CTDP1: variants seen among roughly 807,000 people sequenced by gnomAD.
CTDP1 encodes the protein CTD phosphatase 1, also known as RNA polymerase II subunit A C-terminal domain phosphatase.
A neutral mutation model predicts 91.8 loss-of-function variants in CTDP1; 47 were observed. That is an observed-to-expected ratio of 0.51 (90% CI 0.41 to 0.65). The LOEUF is 0.65. Ranked by LOEUF, CTDP1 falls within the 30% of genes least tolerant of loss-of-function variation. The probability of loss-of-function intolerance (pLI) is 0.00; values close to 1 mark genes in which losing one functional copy is unlikely to be tolerated. For missense variants in CTDP1, 1,272 were observed against 1,373.7 expected (o/e 0.93, Z 1.17); for synonymous variants, 656 against 598.5 (o/e 1.10, Z -1.40).
At chr18:79,717,067 G>C in intron 8 of CTDP1, among the ~76,000 whole-genome samples, 1 of 145,898 alleles carries the variant, frequency 6.9e-6, no homozygotes, top group East Asian at 2.1e-4. Flanking sequence ...GGGTACAGCC[G>C]GGTGAGGGCC....
At chr18:79,682,249 A>G (rs181437740) in intron 1 of CTDP1, among the ~76,000 whole-genome samples, 77 of 152,306 alleles carry the variant, frequency 5.1e-4, no homozygotes, top group African/African-American at 1.7e-3. Context: ...GGCCTCCCCA[A>G]AATGCCTGCT....
intron 5 of CTDP1, among the ~76,000 whole-genome samples, chr18:79,706,205 G>A (rs574912404): frequency 2.6e-5 from 4 of 152,318 alleles, no homozygotes; most frequent in East Asian, 3.9e-4. Flanking sequence ...AGTTGCTGGC[G>A]CCGTGGTCGG....
At position 79,736,407 on chromosome 18, in the gene CTDP1, G is replaced by A. The variant is rs756346262; in HGVS notation, c.2633G>A (p.Arg878Lys). The change falls in exon 12 of 13, where the codon AGG becomes AAG. Residue 878 changes from arginine to lysine, a missense_variant. By Grantham distance (26) the Arg-to-Lys change is conservative. Coordinates refer to ENST00000613122, the MANE Select transcript of CTDP1 (RefSeq NM_004715.5). ...GSDDSDSEKR[R>K]PEEQEEEPQP... ...GACGACAGCGACAGCGAGAAGAGGA[G>A]GCCTGAGGAGCAGGAGGAGGAGCCC... 6.5e-7 allele frequency: 1 copy of A among 1,549,526 alleles called. No homozygotes were observed. The highest frequency in any genetic ancestry group is 1.2e-5 in the South Asian group (1 of 83,986).
chr18:79,714,636 G>C lies in CTDP1; in HGVS notation c.1176G>C (p.Pro392=). 7 of 1,612,384 alleles carry C rather than the reference G, an allele frequency of 4.3e-6. No individual in the cohort carries two copies. The highest frequency in any genetic ancestry group is 5.9e-6 in the Non-Finnish European group (7 of 1,179,766). Residue 392 remains proline (P), a synonymous_variant, in exon 8 of 13, where the codon CCG becomes CCC. Coordinates refer to ENST00000613122, the MANE Select transcript of CTDP1 (RefSeq NM_004715.5). ...RELNGSEAAT[P]RDSPRPGKPD... is the part of the protein sequence containing the mutation. Reference sequence around the variant, plus strand: ...TGAACGGCAGCGAGGCCGCCACCCCGCGGGACTCACCCCGCCCCGGGAAGC... The same window carrying C: ...TGAACGGCAGCGAGGCCGCCACCCCCCGGGACTCACCCCGCCCCGGGAAGC...
chr18:79,698,217 C>T (rs141414048), intron 4 of CTDP1, among the ~76,000 whole-genome samples: 2 of 152,212 alleles, frequency 1.3e-5, no homozygotes, highest in Non-Finnish European at 2.9e-5. Flanking sequence ...CGCTTCCTTC[C>T]GTGTGTGTGG....
chr18:79,677,797 G>A (rs1156309822), upstream of CTDP1: 1 of 152,068 alleles, frequency 6.6e-6, no homozygotes, highest in Non-Finnish European at 1.5e-5. Context: ...TGAGTAGTGT[G>A]TCCTTACAGT....
In CTDP1 at chr18:79,728,823, C is replaced by T. The variant is rs931778823; in HGVS notation, c.2418-84C>T. On this transcript the variant is annotated intron_variant, in intron 10 of 12. Coordinates refer to ENST00000613122, the MANE Select transcript of CTDP1 (RefSeq NM_004715.5). ...TGGGGTGTGTGAGTGTTTACCTAGT[C>T]CGAGAGCCAGGAGTCTGATTCGGTG... 8.8e-5 allele frequency: 122 copies of T among 1,392,140 alleles called. No individual in the cohort carries two copies. The African/African-American group carries it at 1.7e-3, about 19-fold the overall frequency. The allele number at this position is 1,392,140 out of a possible 1,614,324, so 86.2% of individuals were successfully genotyped here.
At chr18:79,744,303 A>G (rs1310025402) in intron 12 of CTDP1, among the ~76,000 whole-genome samples, 5 of 152,216 alleles carry the variant, frequency 3.3e-5, no homozygotes, top group Non-Finnish European at 2.9e-5. Context: ...GGTGACCCCA[A>G]CCTTGGCAAA....
chr18:79,690,692 A>G (rs1490218993), intron 1 of CTDP1, among the ~76,000 whole-genome samples: 2 of 152,154 alleles, frequency 1.3e-5, no homozygotes, highest in Admixed American at 1.3e-4. Flanking sequence ...ACACACAGAC[A>G]TTCTGAGCCA....
In CTDP1 at chr18:79,742,047, G is replaced by A. The variant is rs2086787970; in HGVS notation, c.2747+5526G>A. Among the ~76,000 whole-genome samples the A allele has an allele frequency of 2.0e-5, 3 of 152,288 alleles. No individual in the cohort carries two copies. The South Asian group carries it at 6.2e-4, about 32-fold the overall frequency. ...AAGAGGAAATGCCGGGAGCAGGGCT[G>A]GGGGCCCAGAGGAAGCATGAGGCGT... On this transcript the variant is annotated intron_variant, in intron 12 of 12. Transcript: ENST00000613122.
chr18:79,707,118 G>A (rs2085982579), intron 5 of CTDP1, among the ~76,000 whole-genome samples: 1 of 152,222 alleles, frequency 6.6e-6, no homozygotes, highest in African/African-American at 2.4e-5. Context: ...AGGAGCATGT[G>A]GAAGGCTCGG....
chr18:79,690,195 T>C (rs886897782), intron 1 of CTDP1, among the ~76,000 whole-genome samples: 3 of 152,194 alleles, frequency 2.0e-5, no homozygotes, highest in African/African-American at 7.2e-5. Flanking sequence ...GAGGCGATGC[T>C]CAGAGGTGAT....
chr18:79,726,883 C>T (rs1490951656), intron 10 of CTDP1, among the ~76,000 whole-genome samples: 2,422 of 68,196 alleles, frequency 0.036, 352 homozygotes, highest in Non-Finnish European at 0.059. Context: ...GGGGTGACGC[C>T]GTTGCTGGTG....
At chr18:79,742,285 A>G (rs1485518999) in intron 12 of CTDP1, among the ~76,000 whole-genome samples, 49 of 146,760 alleles carry the variant, frequency 3.3e-4, no homozygotes, top group African/African-American at 1.2e-3. Context: ...GGTGTCCACG[A>G]GAGAGAGGCC....
intron 12 of CTDP1, among the ~76,000 whole-genome samples, chr18:79,742,321 C>T (rs539158886): frequency 6.6e-6 from 1 of 151,338 alleles, no homozygotes; most frequent in East Asian, 1.9e-4. Context: ...AGGCATGAGG[C>T]GTCCATGGGA....
intron 11 of CTDP1, among the ~76,000 whole-genome samples, chr18:79,734,592 C>A (rs3786244): frequency 6.6e-6 from 1 of 151,064 alleles, no homozygotes; most frequent in African/African-American, 2.5e-5. Context: ...GCCACACTAG[C>A]GAGGGTCCCT....
intron 12 of CTDP1, among the ~76,000 whole-genome samples, chr18:79,738,378 G>A (rs1568214701): frequency 6.6e-6 from 1 of 152,228 alleles, no homozygotes; most frequent in Non-Finnish European, 1.5e-5. Context: ...GGTCTCCAGA[G>A]CCTTCTTGCA....
At chr18:79,734,007 G>A (rs191727528) in intron 11 of CTDP1, among the ~76,000 whole-genome samples, 3 of 152,238 alleles carry the variant, frequency 2.0e-5, no homozygotes, top group East Asian at 3.9e-4. Flanking sequence ...AAATACAAAC[G>A]ACCCTCAACT....
chr18:79,693,310 G>A (rs542376413), intron 1 of CTDP1, among the ~76,000 whole-genome samples: 2 of 152,142 alleles, frequency 1.3e-5, no homozygotes, highest in East Asian at 3.9e-4. Flanking sequence ...TCTGCTCATT[G>A]GGGCATTTTA....
Sources: gnomAD v4.1 joint callset for allele counts (sites outside exome capture counted in the v4.1 genomes callset) on GRCh38, gnomAD v4.1.1 for gene constraint, MANE v1.5 for transcripts, NCBI Gene and HGNC (gene_info 2026-07-23, HGNC 2026-07-21) for gene names.